Variants in WWTR1 observed in about 807,000 individuals in gnomAD.
WWTR1 encodes WW domain containing transcription regulator 1, also known as WW domain-containing transcription regulator protein 1.
Under a neutral mutation model 40.1 loss-of-function variants are expected in WWTR1, and 13 were observed. The observed-to-expected ratio is 0.32, with a 90% CI of 0.21 to 0.52. The LOEUF is 0.52. WWTR1 is among the 20% of genes least tolerant of loss of function. The probability of loss-of-function intolerance (pLI) is 0.97; values close to 1 mark genes in which losing one functional copy is unlikely to be tolerated. For synonymous variants in WWTR1, 230 were observed against 210.1 expected (o/e 1.09, Z -0.82); for missense variants, 436 against 523.1 (o/e 0.83, Z 1.63).
chr3:149,627,238 T>C (rs768778453), intron 2 of WWTR1, among the ~76,000 whole-genome samples: 4 of 152,194 alleles, frequency 2.6e-5, no homozygotes, highest in Non-Finnish European at 5.9e-5. Flanking sequence ...CTTCTTAGGG[T>C]AAACATATTG....
At chr3:149,717,748 G>A (rs1715646454) in intron 4 of WWTR1, among the ~76,000 whole-genome samples, 1 of 152,082 alleles carries the variant, frequency 6.6e-6, no homozygotes, top group Admixed American at 6.5e-5. Flanking sequence ...TAGTGAAGAA[G>A]GATATTCTTG....
Position 149,578,287 on chromosome 3 carries a change from T to G in WWTR1, c.432-5287A>C, listed in dbSNP as rs1410650437. Among the ~76,000 whole-genome samples the G allele has an allele frequency of 4.6e-5, 7 of 152,278 alleles. No individual in the cohort carries two copies. The East Asian group carries it at 1.4e-3, about 29-fold the overall frequency. Reference sequence around the variant, plus strand: ...GGATATCCTAGTCACACTACCCATATGCATGAGACAGGGGTAAAAAAGCTA... The same window carrying G: ...GGATATCCTAGTCACACTACCCATAGGCATGAGACAGGGGTAAAAAAGCTA... On this transcript the variant is annotated intron_variant, in intron 2 of 6. Coordinates refer to ENST00000360632, the MANE Select transcript of WWTR1 (RefSeq NM_015472.6).
chr3:149,576,725 A>G (rs1239609752), intron 2 of WWTR1, among the ~76,000 whole-genome samples: 1 of 152,192 alleles, frequency 6.6e-6, no homozygotes, highest in East Asian at 1.9e-4. Flanking sequence ...TTATGGTGAT[A>G]TATGCAAATA....
chr3:149,597,110 A>C (rs888491616), intron 2 of WWTR1, among the ~76,000 whole-genome samples: 2 of 152,210 alleles, frequency 1.3e-5, no homozygotes, highest in African/African-American at 4.8e-5. Flanking sequence ...TTGTTTAATA[A>C]ATGTTAGCTA....
chr3:149,701,894 C>T (rs1715191710), intron 1 of WWTR1: 1 of 177,862 alleles, frequency 5.6e-6, no homozygotes, highest in Admixed American at 6.3e-5. Flanking sequence ...CCCCTTCCCC[C>T]CAGCCTTTGC....
At chr3:149,609,587 G>A (rs948370254) in intron 2 of WWTR1, among the ~76,000 whole-genome samples, 1 of 152,164 alleles carries the variant, frequency 6.6e-6, no homozygotes, top group Non-Finnish European at 1.5e-5. Context: ...AACTGTCTAT[G>A]GCTGCTCTCA....
chr3:149,700,674 G>T (rs1715141153), intron 1 of WWTR1, among the ~76,000 whole-genome samples: 2 of 152,056 alleles, frequency 1.3e-5, no homozygotes, highest in African/African-American at 2.4e-5. Context: ...AAAGTTCCTG[G>T]TACTCTAGAA....
chr3:149,527,213 G>T (rs1264336587), intron 5 of WWTR1, among the ~76,000 whole-genome samples: 1 of 148,460 alleles, frequency 6.7e-6, no homozygotes, highest in African/African-American at 2.5e-5. Flanking sequence ...GGAGTGCAAT[G>T]GTGCAATCTC....
intron 2 of WWTR1, among the ~76,000 whole-genome samples, chr3:149,617,961 A>G (rs1740070422): frequency 6.6e-6 from 1 of 152,240 alleles, no homozygotes; most frequent in Non-Finnish European, 1.5e-5. Flanking sequence ...GTACATGCAC[A>G]TAGAAAAATC....
In WWTR1 at chr3:149,636,966, G is replaced by GAAAAA. The variant is rs397950107; in HGVS notation, c.431+19905_431+19909dup. On this transcript the variant is annotated intron_variant, in intron 2 of 6. Coordinates refer to ENST00000360632, the MANE Select transcript of WWTR1 (RefSeq NM_015472.6). Reference sequence around the variant, plus strand: ...GCGACAGAGCAAGACTGTCTCAAGTGAAAAAAAAAAAAAAAAAAAAAAAAG... The same window carrying GAAAAA: ...GCGACAGAGCAAGACTGTCTCAAGTGAAAAAAAAAAAAAAAAAAAAAAAAAAAAAG... 9.4e-3 allele frequency among the ~76,000 whole-genome samples: 409 copies of GAAAAA among 43,288 alleles called. 24 individuals carry two copies. Among genetic ancestry groups the GAAAAA allele is most frequent in the African/African-American group, 0.036 (374 of 10,306 alleles). 28.4% of individuals were successfully genotyped at this position (43,288 alleles called of 152,430 possible). A position where few individuals can be genotyped will look rare whatever the true frequency, so the allele number is the denominator to read the frequency against.
intron 1 of WWTR1, 101 bp from the exon 2 acceptor site, chr3:149,657,410 G>A (rs925674491): frequency 3.2e-5 from 43 of 1,345,726 alleles, no homozygotes; most frequent in Non-Finnish European, 4.0e-5. Flanking sequence ...AAGAATAGAG[G>A]GAAAAGGAAA....
chr3:149,653,224 A>G (rs1713001166), intron 2 of WWTR1, among the ~76,000 whole-genome samples: 2 of 152,310 alleles, frequency 1.3e-5, no homozygotes, highest in Admixed American at 6.5e-5. Context: ...ATAATTCCCC[A>G]TTTTCTGGTT....
chr3:149,700,407 A>G (rs1035694419), intron 1 of WWTR1, among the ~76,000 whole-genome samples: 1 of 152,184 alleles, frequency 6.6e-6, no homozygotes, highest in Non-Finnish European at 1.5e-5. Flanking sequence ...GCATGGTACC[A>G]TTATAGTTAT....
chr3:149,624,502 T>C, intron 2 of WWTR1, among the ~76,000 whole-genome samples: 1 of 152,192 alleles, frequency 6.6e-6, no homozygotes, highest in Non-Finnish European at 1.5e-5. Flanking sequence ...CTATATTCTG[T>C]GCTGCATTCA....
chr3:149,684,037 C>T (rs1051835839), intron 1 of WWTR1, among the ~76,000 whole-genome samples: 30 of 152,262 alleles, frequency 2.0e-4, no homozygotes, highest in African/African-American at 7.2e-4. Flanking sequence ...TTTAAACATC[C>T]ATCACTAAGG....
At chr3:149,597,767 G>T (rs779863586) in intron 2 of WWTR1, among the ~76,000 whole-genome samples, 8 of 152,154 alleles carry the variant, frequency 5.3e-5, no homozygotes, top group Non-Finnish European at 1.2e-4. Flanking sequence ...GAAAAGCAAG[G>T]AGTCCAACCT....
At chr3:149,531,868 G>A (rs1238901086) in intron 4 of WWTR1, among the ~76,000 whole-genome samples, 1 of 152,150 alleles carries the variant, frequency 6.6e-6, no homozygotes, top group Admixed American at 6.5e-5. Context: ...GGCATACAGT[G>A]GGTACTTGGA....
rs540668937 is a variant in WWTR1, at chr3:149,613,508, C to G, written c.432-40508G>C. Among the ~76,000 whole-genome samples the G allele has an allele frequency of 4.6e-5, 7 of 152,142 alleles. No individual in the cohort carries two copies. The East Asian group carries it at 1.3e-3, about 29-fold the overall frequency. On this transcript the variant is annotated intron_variant, in intron 2 of 6. Transcript: ENST00000360632. Reference sequence around the variant, plus strand: ...CAATACAGCCAATCTCCACTCCCGGCATCTCTTCTTTGATTTACTAACTTA... The same window carrying G: ...CAATACAGCCAATCTCCACTCCCGGGATCTCTTCTTTGATTTACTAACTTA...
intron 5 of WWTR1, among the ~76,000 whole-genome samples, chr3:149,527,132 G>GA (rs1735354667): frequency 6.7e-6 from 1 of 148,818 alleles, no homozygotes; most frequent in African/African-American, 2.5e-5. Context: ...ATTTCACCCT[G>GA]AACATCATCT....
Sources: allele counts gnomAD v4.1 joint callset (sites outside exome capture counted in the v4.1 genomes callset), GRCh38; gene constraint gnomAD v4.1.1; transcripts MANE v1.5; gene names NCBI Gene and HGNC (gene_info 2026-07-23, HGNC 2026-07-21).